GPC6: variants seen among roughly 807,000 people sequenced by gnomAD.
GPC6 encodes the protein glypican-6.
A neutral mutation model predicts 55.2 loss-of-function variants in GPC6; 14 were observed. The observed-to-expected ratio is 0.25, with a 90% CI of 0.17 to 0.40. The LOEUF (loss-of-function observed/expected upper bound fraction) is 0.40. Ranked by LOEUF, GPC6 falls within the 10% of genes least tolerant of loss-of-function variation. The pLI is 1.00. For synonymous variants in GPC6, 278 were observed against 259.6 expected (o/e 1.07, Z -0.68); for missense variants, 641 against 708.5 (o/e 0.90, Z 1.08).
At chr13:93,585,056 A>C (rs1479493997) in intron 2 of GPC6, among the ~76,000 whole-genome samples, 1 of 152,172 alleles carries the variant, frequency 6.6e-6, no homozygotes, top group Non-Finnish European at 1.5e-5. Context: ...ATTTTTAAAA[A>C]TTTATGAAAA....
intron 4 of GPC6, among the ~76,000 whole-genome samples, chr13:94,076,327 A>G (rs552594711): frequency 1.2e-4 from 18 of 151,906 alleles, no homozygotes; most frequent in Admixed American, 1.0e-3. Flanking sequence ...TCTTTTTGCT[A>G]TTGAGATGTG....
intron 1 of GPC6, among the ~76,000 whole-genome samples, chr13:93,415,595 C>T (rs1876668561): frequency 6.6e-6 from 1 of 152,094 alleles, no homozygotes; most frequent in Admixed American, 6.6e-5. Context: ...GTGTTTGATA[C>T]AAATGCCAGA....
chr13:93,613,552 C>G (rs1336348304), intron 2 of GPC6, among the ~76,000 whole-genome samples: 1 of 151,836 alleles, frequency 6.6e-6, no homozygotes, highest in African/African-American at 2.4e-5. Context: ...CACACACACA[C>G]ACACACACAC....
chr13:93,415,805 A>G (rs1594154039), intron 1 of GPC6, among the ~76,000 whole-genome samples: 1 of 152,072 alleles, frequency 6.6e-6, no homozygotes, highest in Non-Finnish European at 1.5e-5. Flanking sequence ...GCCTAGCTGT[A>G]TCTTTTTCCA....
chr13:93,457,834 A>T (rs1566367851), intron 1 of GPC6, among the ~76,000 whole-genome samples: 1 of 88,938 alleles, frequency 1.1e-5, no homozygotes, highest in African/African-American at 3.3e-5. Flanking sequence ...GATCAATATT[A>T]AAAAAAAAAG....
chr13:93,610,702 C>G (rs1233963462), intron 2 of GPC6, among the ~76,000 whole-genome samples: 1 of 151,824 alleles, frequency 6.6e-6, no homozygotes, highest in Non-Finnish European at 1.5e-5. Context: ...ACATATGTAC[C>G]TACTTACATA....
intron 1 of GPC6, among the ~76,000 whole-genome samples, chr13:93,503,085 T>C (rs952360337): frequency 6.6e-6 from 1 of 152,188 alleles, no homozygotes; most frequent in Non-Finnish European, 1.5e-5. Context: ...TTGTTTTACC[T>C]CCCTTCCATA....
intron 3 of GPC6, among the ~76,000 whole-genome samples, chr13:94,009,658 G>A (rs1478158116): frequency 6.6e-6 from 1 of 152,094 alleles, no homozygotes; most frequent in Admixed American, 6.5e-5. Context: ...CCCATGTCCT[G>A]CTTTAGGCCA....
intron 2 of GPC6, among the ~76,000 whole-genome samples, chr13:93,668,511 G>A (rs887211199): frequency 6.6e-6 from 1 of 152,120 alleles, no homozygotes. Context: ...AATAAATTGA[G>A]GATTTTTGAG....
intron 4 of GPC6, among the ~76,000 whole-genome samples, chr13:94,212,993 T>TAAAAATAC (rs1890124187): frequency 6.6e-6 from 1 of 152,130 alleles, no homozygotes; most frequent in Non-Finnish European, 1.5e-5. Flanking sequence ...CCGTCTCTAC[T>TAAAAATAC]AAAAATACAA....
chr13:94,346,541 T>G (rs1239058874), intron 6 of GPC6, among the ~76,000 whole-genome samples: 2 of 151,768 alleles, frequency 1.3e-5, no homozygotes, highest in African/African-American at 4.8e-5. Flanking sequence ...GCCAACATGA[T>G]AAAACCCGTC....
chr13:94,368,742 G>A (rs1259336320), intron 6 of GPC6, among the ~76,000 whole-genome samples: 1 of 152,172 alleles, frequency 6.6e-6, no homozygotes, highest in African/African-American at 2.4e-5. Flanking sequence ...GAGAAGCTGT[G>A]AACAGGTACA....
chr13:94,225,275 T>C (rs1385549106), intron 4 of GPC6, among the ~76,000 whole-genome samples: 1 of 152,122 alleles, frequency 6.6e-6, no homozygotes, highest in Non-Finnish European at 1.5e-5. Flanking sequence ...TAAAACCAGT[T>C]ATGCATTTGT....
At position 94,178,968 on chromosome 13, in the gene GPC6, G is replaced by A. The variant is rs117674141; in HGVS notation, c.878-107381G>A. On this transcript the variant is annotated intron_variant, in intron 4 of 8. Coordinates refer to ENST00000377047, the MANE Select transcript of GPC6 (RefSeq NM_005708.5). ...TTGGCTGGAGCTCAGCCCTCCTTCT[G>A]CTTATTTGCTACTGAGTTCCCCCTT... Among the ~76,000 whole-genome samples, 245 of 152,266 alleles carry A rather than the reference G, an allele frequency of 1.6e-3. 1 individual carries two copies. Among genetic ancestry groups the A allele is most frequent in the Non-Finnish European group, 2.3e-3 (158 of 68,026 alleles).
At chr13:93,862,254 TA>T (rs1888836109) in intron 3 of GPC6, among the ~76,000 whole-genome samples, 1 of 151,566 alleles carries the variant, frequency 6.6e-6, no homozygotes, top group African/African-American at 2.4e-5. Flanking sequence ...ATTTCTAAGG[TA>T]TTTAGGAAGG....
intron 2 of GPC6, among the ~76,000 whole-genome samples, chr13:93,726,247 T>C (rs1326715364): frequency 6.6e-6 from 1 of 151,978 alleles, no homozygotes; most frequent in Non-Finnish European, 1.5e-5. Context: ...TGGTGACATA[T>C]TTACGTCTGT....
At chr13:93,512,283 C>T (rs1298087184) in intron 1 of GPC6, among the ~76,000 whole-genome samples, 3 of 152,134 alleles carry the variant, frequency 2.0e-5, no homozygotes, top group Non-Finnish European at 4.4e-5. Flanking sequence ...TTCAACTTTT[C>T]CCCATTTAGT....
intron 1 of GPC6, among the ~76,000 whole-genome samples, chr13:93,418,174 A>G (rs1381912168): frequency 1.3e-5 from 2 of 151,826 alleles, no homozygotes; most frequent in East Asian, 3.9e-4. Context: ...AAGTGTATAT[A>G]TTTGTAGAGT....
At chr13:94,398,693 A>C in intron 8 of GPC6, 52 bp downstream of exon 8, 1 of 1,460,460 alleles carries the variant, frequency 6.8e-7, no homozygotes, top group South Asian at 1.1e-5. Flanking sequence ...AAATGGTTTT[A>C]GAAGATGATG....
Sources: allele counts gnomAD v4.1 joint callset (sites outside exome capture counted in the v4.1 genomes callset), GRCh38; gene constraint gnomAD v4.1.1; transcripts MANE v1.5; gene names NCBI Gene and HGNC (gene_info 2026-07-23, HGNC 2026-07-21).